The following MAST3 variants were observed in gnomAD, a reference collection of about 807,000 sequenced individuals.
MAST3 encodes the protein microtubule-associated serine/threonine-protein kinase 3.
Under a neutral mutation model 127.0 loss-of-function variants are expected in MAST3, and 43 were observed. That is an observed-to-expected ratio of 0.34 (90% confidence interval 0.27 to 0.44). The LOEUF is 0.44. Among genes scored for constraint, MAST3 ranks in the 20% least tolerant of loss-of-function variants. The pLI, the probability that MAST3 is intolerant of heterozygous loss-of-function variation, is 1.00. For missense variants in MAST3, 1,390 were observed against 1,919.1 expected (o/e 0.72, Z 5.15); for synonymous variants, 785 against 809.2 (o/e 0.97, Z 0.51).
rs749945866 is a variant in MAST3 at position 18,147,639 on chromosome 19, A to AC, written c.3508+21dup. The AC allele has an allele frequency of 1.0e-5, 15 of 1,494,684 alleles. No homozygotes were observed. In the South Asian group the frequency reaches 1.8e-4, roughly 18 times the overall value. 92.6% of individuals were successfully genotyped at this position (1,494,684 alleles called of 1,614,324 possible). On this transcript the variant is annotated intron_variant, in intron 27 of 27. Transcript: ENST00000687212. ...TGTCCCAGCAGGTGGGTGCACCCCG[A>AC]CCCCCCACCACCCCGGCTACCCTGG...
intron 3 of MAST3, among the ~76,000 whole-genome samples, chr19:18,119,331 G>C (rs898835137): frequency 4.6e-5 from 7 of 152,168 alleles, no homozygotes; most frequent in Non-Finnish European, 1.0e-4. Flanking sequence ...GGTGCAGTGT[G>C]GGGGCGAGGA....
intron 21 of MAST3, 102 bp from the exon 22 acceptor site, chr19:18,143,661 C>A (rs2042744195): frequency 2.1e-6 from 3 of 1,456,720 alleles, no homozygotes; most frequent in Non-Finnish European, 1.9e-6. Context: ...TGCAAATTAC[C>A]CTTGACTGCA....
Position 18,134,921 on chromosome 19 carries a change from G to A in MAST3, c.1809G>A (p.Leu603=), listed in dbSNP as rs2041730068. 3 of 1,613,960 alleles carry A rather than the reference G, an allele frequency of 1.9e-6. No homozygotes were observed. The highest frequency in any genetic ancestry group is 2.2e-5 in the South Asian group (2 of 91,070). Residue 603 remains leucine, a synonymous_variant, in exon 17 of 28, where the codon CTG becomes CTA. Transcript: ENST00000687212. ...TGGGCGTCGTCCTCTATGAGTTTCT[G>A]GTGGGCTGCGTGCCTTTCTTTGGAG... is the stretch of plus-strand genomic sequence containing the variant. ...WAMGVVLYEF[L]VGCVPFFGDT...
At position 18,143,839 on chromosome 19, in the gene MAST3, C is replaced by G. The variant is rs776658150; in HGVS notation, c.2416C>G (p.Leu806Val). 1.2e-6 allele frequency: 2 copies of G among 1,613,820 alleles called. No homozygotes were observed. Among genetic ancestry groups the G allele is most frequent in the Non-Finnish European group, 1.7e-6 (2 of 1,179,902 alleles). ...SQPERGPSPS[L>V]LNTISLDTMP... is the part of the protein sequence containing the mutation. ...GCCCGAGCGGGGTCCCAGCCCATCT[C>G]TCCTGAATACCATCAGCCTGGACAC... is the stretch of plus-strand genomic sequence containing the variant. Residue 806 changes from leucine (L) to valine (V), a missense_variant, in exon 22 of 28, where the codon CTC (leucine) becomes GTC (valine). Transcript: ENST00000687212.
chr19:18,099,946 C>G (rs2037423718), intron 1 of MAST3, among the ~76,000 whole-genome samples: 1 of 152,012 alleles, frequency 6.6e-6, no homozygotes, highest in South Asian at 2.1e-4. Flanking sequence ...AGAGGACATG[C>G]CCATATTGAG....
At chr19:18,131,195 C>T (rs905283023) in intron 14 of MAST3, among the ~76,000 whole-genome samples, 1 of 152,092 alleles carries the variant, frequency 6.6e-6, no homozygotes, top group Non-Finnish European at 1.5e-5. Context: ...GTGGGCTGAT[C>T]GCTTGAGGTC....
intron 1 of MAST3, among the ~76,000 whole-genome samples, chr19:18,106,559 A>G (rs1169624539): frequency 6.8e-6 from 1 of 147,322 alleles, no homozygotes; most frequent in African/African-American, 2.5e-5. Context: ...TTATTTATTT[A>G]TTTATTTATT....
In MAST3 at chr19:18,128,477, G is replaced by A; in HGVS notation, c.1137+19G>A. 6.4e-7 allele frequency: 1 copy of A among 1,551,308 alleles called. No homozygotes were observed. Among genetic ancestry groups the A allele is most frequent in the South Asian group, 1.2e-5 (1 of 84,052 alleles). On this transcript the variant is annotated intron_variant, in intron 12 of 27. Transcript: ENST00000687212. ...CCCAGAGGTGAGTAGCAGAGGCTGG[G>A]GGACCCCCGCTCATCTTGTTCTTTC...
intron 7 of MAST3, 71 bp from the exon 8 acceptor site, chr19:18,123,509 C>G (rs1221785223): frequency 2.7e-6 from 4 of 1,470,598 alleles, no homozygotes; most frequent in Non-Finnish European, 2.7e-6. Context: ...AACCCTGGCT[C>G]AGATCCCCCA....
In MAST3 at chr19:18,139,221, T is replaced by A. The variant is rs116564876; in HGVS notation, c.2205+97T>A. 910 of 943,768 alleles carry A rather than the reference T, an allele frequency of 9.6e-4. 6 individuals carry two copies. In the African/African-American group the frequency reaches 0.012, roughly 13 times the overall value. 58.5% of individuals were successfully genotyped at this position (943,768 alleles called of 1,614,324 possible). On this transcript the variant is annotated intron_variant, in intron 20 of 27. Transcript: ENST00000687212. ...TTTTTGATTTTGCTTTGTTTTGTTC[T>A]GTAGAGATGAGGTCTTGCTATGCTG... is the stretch of plus-strand genomic sequence containing the variant.
chr19:18,129,980 T>C (rs2041092015), intron 13 of MAST3, among the ~76,000 whole-genome samples: 2 of 148,780 alleles, frequency 1.3e-5, no homozygotes, highest in East Asian at 2.0e-4. Context: ...CCAGGTGCAG[T>C]GGCTCTCGCC....
At chr19:18,099,989 C>T (rs1205705911) in intron 1 of MAST3, among the ~76,000 whole-genome samples, 1 of 151,926 alleles carries the variant, frequency 6.6e-6, no homozygotes, top group African/African-American at 2.4e-5. Flanking sequence ...GGGCTAGGAG[C>T]AGGAGTGGGG....
intron 3 of MAST3, among the ~76,000 whole-genome samples, chr19:18,111,425 GT>G (rs2038604925): frequency 1.3e-5 from 2 of 151,660 alleles, no homozygotes; most frequent in South Asian, 4.2e-4. Flanking sequence ...TTGGGCAAAA[GT>G]TTAGGGAGGG....
rs1386763932 is a variant in MAST3 at position 18,121,754 on chromosome 19, G to A, written c.231G>A (p.Ser77=). ...CCCCGACCCTCTCCCGGCCCCTGTC[G>A]CCATTGTCGGTCCCAACGGGTGAGT... ...TPSPTLSRPL[S]PLSVPTGSSP... is the part of the protein sequence containing the mutation. The change falls in exon 4 of 28, where the codon TCG becomes TCA. Residue 77 remains serine, a synonymous_variant. Transcript: ENST00000687212. The A allele has an allele frequency of 6.8e-6, 11 of 1,613,878 alleles. No homozygotes were observed. Among genetic ancestry groups the A allele is most frequent in the South Asian group, 4.4e-5 (4 of 91,088 alleles).
chr19:18,128,590 G>A (rs2040921091), intron 12 of MAST3, 132 bp downstream of exon 12: 18 of 958,560 alleles, frequency 1.9e-5, no homozygotes, highest in Non-Finnish European at 2.8e-5. Flanking sequence ...TGGAGGCAAG[G>A]TGACGGCACG....
At chr19:18,101,175 G>A (rs2037576351) in intron 1 of MAST3, among the ~76,000 whole-genome samples, 2 of 152,122 alleles carry the variant, frequency 1.3e-5, no homozygotes, top group Non-Finnish European at 2.9e-5. Context: ...CTTTACACAT[G>A]ACCGAATTTC....
rs1425987836 is a variant in MAST3, at chr19:18,123,259, C to A, written c.442C>A (p.Gln148Lys). Residue 148 changes from glutamine to lysine, a missense_variant, in exon 7 of 28, where the codon CAG becomes AAG. Physicochemically the swap from Gln to Lys is moderately conservative, Grantham distance 53. This residue lies in a region of MAST3 where 277 missense variants were observed against 384.8 expected (regional missense o/e 0.72). Coordinates refer to ENST00000687212, the MANE Select transcript of MAST3 (RefSeq NM_001393504.1). ...SRERLHQLPF[Q>K]PTPDELHFLS... ...GGAACGTCTCCACCAGCTTCCCTTC[C>A]AGCCGACGCCGGACGAGCTGCACTT... 1.2e-6 allele frequency: 2 copies of A among 1,613,788 alleles called. No individual in the cohort carries two copies. Among genetic ancestry groups the A allele is most frequent in the African/African-American group, 1.3e-5 (1 of 74,906 alleles).
At chr19:18,147,100 T>C (rs1297519825) in intron 26 of MAST3, 56 bp downstream of exon 26, 1 of 23,544 alleles carries the variant, frequency 4.2e-5, no homozygotes. Context: ...TTCTTTTTCC[T>C]TTTTTTTTTT....
chr19:18,133,849 C>G (rs917715627), intron 15 of MAST3, among the ~76,000 whole-genome samples: 1 of 151,962 alleles, frequency 6.6e-6, no homozygotes, highest in African/African-American at 2.4e-5. Flanking sequence ...CCACTGCGCC[C>G]GGCAAATGAA....
Sources: allele counts gnomAD v4.1 joint callset (sites outside exome capture counted in the v4.1 genomes callset), GRCh38; gene constraint gnomAD v4.1.1; regional missense constraint gnomAD v4.1.1; transcripts MANE v1.5; gene names NCBI Gene and HGNC (gene_info 2026-07-23, HGNC 2026-07-21).